THG1L: variants seen among roughly 807,000 people sequenced by gnomAD.
The protein encoded by THG1L is probable tRNA(His) guanylyltransferase.
THG1L carries 27 observed loss-of-function variants against 35.2 expected under a neutral mutation model. The observed-to-expected ratio is 0.77, with a 90% confidence interval of 0.57 to 1.06. THG1L has a LOEUF of 1.06. Among genes scored for constraint, THG1L ranks in the 50% least tolerant of loss-of-function variants. The pLI, the probability that THG1L is intolerant of heterozygous loss-of-function variation, is 0.00. For missense variants in THG1L, 377 were observed against 371.8 expected, an observed-to-expected ratio of 1.01 and a Z score of -0.12; for synonymous variants, 135 against 132.4, an observed-to-expected ratio of 1.02 and a Z score of -0.14.
At chr5:157,735,667 T>C (rs1010717538) in intron 3 of THG1L, among the ~76,000 whole-genome samples, 179 bp from the exon 4 acceptor site, 1 of 152,268 alleles carries the variant, frequency 6.6e-6, no homozygotes. Flanking sequence ...GATGAAGTTT[T>C]TTCCCTACTG....
At chr5:157,734,516 G>C in intron 2 of THG1L, 60 bp from the exon 3 acceptor site, 2 of 1,594,246 alleles carry the variant, frequency 1.3e-6, no homozygotes, top group Non-Finnish European at 1.7e-6. Flanking sequence ...TCATGGTGTT[G>C]AACTAATTCC....
Position 157,731,600 on chromosome 5 carries a change from G to C in THG1L, c.160G>C (p.Val54Leu). Residue 54 changes from valine (V) to leucine (L), a missense_variant, in exon 1 of 6, where the codon GTA becomes CTA. Transcript: ENST00000231198. ...DDTCLAHCWV[V>L]VRLDGRNFHR... ...CACCTGCCTGGCACACTGCTGGGTG[G>C]TAGTGCGGCTGGACGGCCGGAATTT... The C allele has an allele frequency of 6.2e-7, 1 of 1,601,786 alleles. No individual in the cohort carries two copies.
At chr5:157,738,660 A>ATTTTTT in intron 5 of THG1L, 1 of 436,366 alleles carries the variant, frequency 2.3e-6, no homozygotes. Context: ...TTCCACTGGC[A>ATTTTTT]ACTCCAGCTC....
In THG1L at chr5:157,734,749, A is replaced by G; in HGVS notation, c.538+4A>G. On this transcript the variant is annotated splice_donor_region_variant and intron_variant, in intron 3 of 5. Coordinates refer to ENST00000231198, the MANE Select transcript of THG1L (RefSeq NM_017872.5). ...CTCAGCTGGCGACAAGCAGATTGTG[A>G]GTGGCACCAAATAAACACATGTAGT... The G allele has an allele frequency of 6.2e-7, 1 of 1,614,146 alleles. No individual in the cohort carries two copies. The highest frequency in any genetic ancestry group is 1.6e-4 in the Middle Eastern group (1 of 6,062).
chr5:157,737,318 C>T (rs545000215), intron 4 of THG1L, among the ~76,000 whole-genome samples: 10 of 152,062 alleles, frequency 6.6e-5, no homozygotes, highest in Middle Eastern at 3.4e-3. Flanking sequence ...ATGGTGAGAC[C>T]GCTTCTCTAC....
At position 157,731,450 on chromosome 5, in the gene THG1L, G is replaced by C. The variant is rs757064188; in HGVS notation, c.10G>C (p.Ala4Pro). Residue 4 changes from alanine to proline, a missense_variant, in exon 1 of 6, where the codon GCC becomes CCC. Coordinates refer to ENST00000231198, the MANE Select transcript of THG1L (RefSeq NM_017872.5). ...CCTTTCCGCGTGTAGAATGTGGGGCGCCTGTAAAGTTAAGGTTCACGATTC... is the reference window on the plus strand; with the variant it reads ...CCTTTCCGCGTGTAGAATGTGGGGCCCCTGTAAAGTTAAGGTTCACGATTC... MWG[A>P]CKVKVHDSLA... The C allele has an allele frequency of 4.4e-6, 7 of 1,594,856 alleles. No homozygotes were observed. The East Asian group carries it at 9.0e-5, about 21-fold the overall frequency.
Position 157,739,617 on chromosome 5 carries a change from G to A in THG1L, c.*135G>A. ...AATGACACAACTCAAGTTGGGAGGG[G>A]AACAGGGAAGGAAGGGATGGATGGG... On this transcript the variant is annotated 3_prime_UTR_variant, in exon 6 of 6. Coordinates refer to ENST00000231198, the MANE Select transcript of THG1L (RefSeq NM_017872.5). The A allele has an allele frequency of 9.5e-7, 1 of 1,052,710 alleles. No individual in the cohort carries two copies. The highest frequency in any genetic ancestry group is 1.3e-6 in the Non-Finnish European group (1 of 745,654). 65.2% of individuals were successfully genotyped at this position (1,052,710 alleles called of 1,614,324 possible). A position where few individuals can be genotyped will look rare whatever the true frequency, so the allele number is the denominator to read the frequency against.
At position 157,735,858 on chromosome 5, in the gene THG1L, ATCT is replaced by A. The variant is rs1561613038; in HGVS notation, c.553_555del (p.Leu185del). 1 of 1,600,894 alleles carries A rather than the reference ATCT, an allele frequency of 6.2e-7. No homozygotes were observed. Among genetic ancestry groups the A allele is most frequent in the Admixed American group, 1.8e-5 (1 of 56,862 alleles). On this transcript the variant is annotated inframe_deletion, in exon 4 of 6. Transcript: ENST00000231198. The stretch of plus-strand genomic sequence containing the variant: ...GTTCTCCTCACAGGTCACATCAATA[ATCT>A]TTATAATACAGTTTTCTGGGCACTT...
At position 157,737,910 on chromosome 5, in the gene THG1L, T is replaced by C. The variant is rs892696305; in HGVS notation, c.651T>C (p.Asn217=). 3 of 1,611,998 alleles carry C rather than the reference T, an allele frequency of 1.9e-6. No homozygotes were observed. The highest frequency in any genetic ancestry group is 1.3e-5 in the African/African-American group (1 of 74,816). Residue 217 remains asparagine (N), a synonymous_variant, in exon 5 of 6, where the codon AAT becomes AAC. Transcript: ENST00000231198. ...AGGGAACTCTTGCAGCAGACAAGAA[T>C]GAGATTTTGTTTTCTGAATTCAACA... ...RLQGTLAADK[N]EILFSEFNIN...
chr5:157,733,188 T>C (rs1204656716), intron 2 of THG1L, 144 bp downstream of exon 2: 2 of 942,372 alleles, frequency 2.1e-6, no homozygotes, highest in East Asian at 5.3e-5. Flanking sequence ...CCTGTTTAGA[T>C]TGTTGTACTT....
rs1404879557 is a variant in THG1L, at chr5:157,741,003, C to T, written c.*1521C>T. The T allele has an allele frequency of 6.6e-6, 1 of 151,968 alleles. No homozygotes were observed. The highest frequency in any genetic ancestry group is 1.5e-5 in the Non-Finnish European group (1 of 68,122). 9.4% of individuals were successfully genotyped at this position (151,968 alleles called of 1,614,324 possible). On this transcript the variant is annotated 3_prime_UTR_variant, in exon 6 of 6. Coordinates refer to ENST00000231198, the MANE Select transcript of THG1L (RefSeq NM_017872.5). ...GGTAGATCACTTCAGGCCAGGAGTC[C>T]AAGACCAGCACGTCCAACATGGCAA...
chr5:157,736,519 G>C (rs1477307452), intron 4 of THG1L, among the ~76,000 whole-genome samples: 5 of 152,176 alleles, frequency 3.3e-5, no homozygotes, highest in Admixed American at 6.5e-5. Context: ...CAGAGTGCTG[G>C]GATTACAGGC....
At position 157,734,631 on chromosome 5, in the gene THG1L, C is replaced by T. The variant is rs761046479; in HGVS notation, c.424C>T (p.Arg142Trp). 4.8e-5 allele frequency: 77 copies of T among 1,613,988 alleles called. No individual in the cohort carries two copies. The highest frequency in any genetic ancestry group is 6.6e-5 in the South Asian group (6 of 91,090). The stretch of plus-strand genomic sequence containing the variant: ...TGCCTCCAGCTATGTGTTTTATTGG[C>T]GGGATTACTTTGAGGACCAGCCCCT... ...QFASSYVFYW[R>W]DYFEDQPLLY... The change falls in exon 3 of 6, where the codon CGG becomes TGG. Residue 142 changes from arginine to tryptophan, a missense_variant. Arg to Trp is a moderately radical substitution (Grantham distance 101). Coordinates refer to ENST00000231198, the MANE Select transcript of THG1L (RefSeq NM_017872.5).
rs34744387 is a variant in THG1L at position 157,732,215 on chromosome 5, CAAAAAAAAAAAAA to C, written c.191+601_191+613del. 9.3e-5 allele frequency among the ~76,000 whole-genome samples: 5 copies of C among 53,902 alleles called. 1 individual carries two copies. The highest frequency in any genetic ancestry group is 1.4e-3 in the South Asian group (2 of 1,430). 35.4% of individuals were successfully genotyped at this position (53,902 alleles called of 152,430 possible). On this transcript the variant is annotated intron_variant, in intron 1 of 5. Coordinates refer to ENST00000231198, the MANE Select transcript of THG1L (RefSeq NM_017872.5). ...TGTTGTTTGTGAAACTCCGCCACTA[CAAAAAAAAAAAAA>C]AAAAAAAAAAAAAAAAGAGAGAGAG...
intron 2 of THG1L, 141 bp from the exon 3 acceptor site, chr5:157,734,435 T>C (rs1448196122): frequency 1.0e-6 from 1 of 969,084 alleles, no homozygotes; most frequent in Non-Finnish European, 1.5e-6. Flanking sequence ...ATAGTGTTTC[T>C]TAGCCAAATG....
rs78510682 is a variant in THG1L, at chr5:157,736,545, A to G, written c.627+611A>G. Among the ~76,000 whole-genome samples the G allele has an allele frequency of 1.2e-4, 18 of 152,250 alleles. No individual in the cohort carries two copies. The East Asian group carries it at 3.5e-3, about 29-fold the overall frequency. On this transcript the variant is annotated intron_variant, in intron 4 of 5. Coordinates refer to ENST00000231198, the MANE Select transcript of THG1L (RefSeq NM_017872.5). ...GATTACAGGCGTGAGCCAGTGAGCC[A>G]CCACACCTGGCCAGCACTGAATTTT...
chr5:157,735,387 G>A (rs1461772520), intron 3 of THG1L, among the ~76,000 whole-genome samples: 2 of 152,128 alleles, frequency 1.3e-5, no homozygotes, highest in African/African-American at 2.4e-5. Flanking sequence ...GCCATTCCCT[G>A]TTGTTCCTCT....
At chr5:157,731,794 A>G (rs548877298) in intron 1 of THG1L, among the ~76,000 whole-genome samples, 163 bp downstream of exon 1, 1 of 152,380 alleles carries the variant, frequency 6.6e-6, no homozygotes, top group East Asian at 1.9e-4. Flanking sequence ...CGTGTTGGCT[A>G]GGACAGTGCC....
chr5:157,739,434 G>A lies in THG1L; in HGVS notation c.849G>A (p.Gly283=), dbSNP rs767976633. ...TGCCCTTGCACTGCGATATCATCGG[G>A]GATGCTTTCTGGAAGGAACATCCAG... is the stretch of plus-strand genomic sequence containing the variant. ...KPVPLHCDII[G]DAFWKEHPEI... is the part of the protein sequence containing the mutation. Residue 283 remains glycine, a synonymous_variant, in exon 6 of 6, where the codon GGG becomes GGA. Transcript: ENST00000231198. 9.3e-6 allele frequency: 15 copies of A among 1,613,472 alleles called. No homozygotes were observed. The highest frequency in any genetic ancestry group is 1.3e-5 in the Non-Finnish European group (15 of 1,179,742).
Sources: allele counts gnomAD v4.1 joint callset (sites outside exome capture counted in the v4.1 genomes callset), GRCh38; gene constraint gnomAD v4.1.1; transcripts MANE v1.5; gene names NCBI Gene and HGNC (gene_info 2026-07-23, HGNC 2026-07-21).